GPAM: variants seen among roughly 807,000 people sequenced by gnomAD.
GPAM encodes glycerol-3-phosphate acyltransferase, mitochondrial, also known as glycerol-3-phosphate acyltransferase 1, mitochondrial.
Under a neutral mutation model 105.0 loss-of-function variants are expected in GPAM, and 56 were observed. The ratio of observed to expected loss-of-function variants is 0.53; its 90% CI spans 0.43 to 0.67. GPAM has a LOEUF of 0.67. Ranked by LOEUF, GPAM falls within the 30% of genes least tolerant of loss-of-function variation. GPAM has a pLI of 0.00. For synonymous variants in GPAM, 368 were observed against 354.4 expected, an observed-to-expected ratio of 1.04 and a Z score of -0.43; for missense variants, 855 against 989.8, an observed-to-expected ratio of 0.86 and a Z score of 1.83.
upstream of GPAM, among the ~76,000 whole-genome samples, chr10:112,218,513 A>G (rs771852320): frequency 1.3e-5 from 2 of 152,212 alleles, no homozygotes; most frequent in South Asian, 2.1e-4. Context: ...GTTACCAGAA[A>G]GGGGTCCTGA....
At chr10:112,216,558 T>C (rs1161034219), upstream of GPAM, among the ~76,000 whole-genome samples, 1 of 152,180 alleles carries the variant, frequency 6.6e-6, no homozygotes, top group Non-Finnish European at 1.5e-5. Flanking sequence ...GCAGGGCTCC[T>C]ACTGGGGAAA....
In GPAM at chr10:112,154,644, C is replaced by A. The variant is rs141651151; in HGVS notation, c.2355G>T (p.Met785Ile). 2 of 1,607,356 alleles carry A rather than the reference C, an allele frequency of 1.2e-6. No individual in the cohort carries two copies. The highest frequency in any genetic ancestry group is 3.3e-5 in the Admixed American group (2 of 59,998). The change falls in exon 21 of 22, where the codon ATG (methionine) becomes ATT (isoleucine). Residue 785 changes from methionine (M) to isoleucine (I), a missense_variant. Physicochemically the swap from Met to Ile is conservative, Grantham distance 10. Coordinates refer to ENST00000348367, the MANE Select transcript of GPAM (RefSeq NM_001244949.2). ...TYCLVKNAVKMFKDIGVFKET... is the reference protein window; with the variant it reads ...TYCLVKNAVKIFKDIGVFKET... ...GGACACCTACCCCAATATCCTTAAA[C>A]ATTTTCACAGCATTCTTCACAAGAC...
chr10:112,201,272 G>T (rs1015695915), intron 1 of GPAM, among the ~76,000 whole-genome samples: 6 of 152,164 alleles, frequency 3.9e-5, no homozygotes, highest in Non-Finnish European at 7.3e-5. Context: ...GTTCAAGAGT[G>T]GCCAATGCCT....
At chr10:112,177,849 A>T in intron 5 of GPAM, 135 bp downstream of exon 5, 1 of 617,140 alleles carries the variant, frequency 1.6e-6, no homozygotes, top group Admixed American at 2.6e-5. Flanking sequence ...ATTTTCAGAT[A>T]ATCTCTCTTG....
rs533484707 is a variant in GPAM at position 112,149,978 on chromosome 10, G to A, written c.*3572C>T. 2.0e-5 allele frequency: 20 copies of A among 984,920 alleles called. No homozygotes were observed. Among genetic ancestry groups the A allele is most frequent in the South Asian group, 9.4e-5 (2 of 21,268 alleles). The allele number at this position is 984,920 out of a possible 1,614,324, so 61.0% of individuals were successfully genotyped here. A position where few individuals can be genotyped will look rare whatever the true frequency, so the allele number is the denominator to read the frequency against. Reference sequence around the variant, plus strand: ...CCAAGTATGTTTTGCTCACAAAATCGCAGTTATTTCACAGTACCTTATAGT... The same window carrying A: ...CCAAGTATGTTTTGCTCACAAAATCACAGTTATTTCACAGTACCTTATAGT... On this transcript the variant is annotated 3_prime_UTR_variant, in exon 22 of 22. Coordinates refer to ENST00000348367, the MANE Select transcript of GPAM (RefSeq NM_001244949.2).
At chr10:112,197,008 A>G (rs1223041614) in intron 1 of GPAM, among the ~76,000 whole-genome samples, 1 of 152,264 alleles carries the variant, frequency 6.6e-6, no homozygotes, top group Non-Finnish European at 1.5e-5. Flanking sequence ...TAGAATTCCT[A>G]GTAACTGCTA....
At chr10:112,198,408 T>C (rs928883039) in intron 1 of GPAM, among the ~76,000 whole-genome samples, 9 of 152,218 alleles carry the variant, frequency 5.9e-5, no homozygotes, top group Non-Finnish European at 8.8e-5. Context: ...GTCAGTAAAG[T>C]CTTTAAAGCA....
chr10:112,153,719 A>G, intron 21 of GPAM, 53 bp from the exon 22 acceptor site: 5 of 1,585,250 alleles, frequency 3.2e-6, no homozygotes, highest in Non-Finnish European at 4.3e-6. Flanking sequence ...AATAAAAAAA[A>G]TTTCCATTAC....
At chr10:112,196,489 G>A (rs1378362572) in intron 1 of GPAM, among the ~76,000 whole-genome samples, 2 of 152,122 alleles carry the variant, frequency 1.3e-5, no homozygotes, top group African/African-American at 2.4e-5. Context: ...CTGTGTAACT[G>A]TCTTTGGCTT....
At chr10:112,189,861 C>T (rs1440614986) in intron 1 of GPAM, among the ~76,000 whole-genome samples, 2 of 152,176 alleles carry the variant, frequency 1.3e-5, no homozygotes, top group Admixed American at 6.5e-5. Context: ...TAAGCCATTA[C>T]AATGTTGTCT....
chr10:112,191,520 C>T (rs930629862), intron 1 of GPAM, among the ~76,000 whole-genome samples: 4 of 152,202 alleles, frequency 2.6e-5, no homozygotes, highest in Non-Finnish European at 5.9e-5. Flanking sequence ...TTTTTAACTA[C>T]TGTTTGCTTG....
chr10:112,203,484 C>T (rs2133297736), intron 1 of GPAM, among the ~76,000 whole-genome samples: 1 of 152,340 alleles, frequency 6.6e-6, no homozygotes, highest in Middle Eastern at 3.4e-3. Flanking sequence ...CATTGAGGTC[C>T]TAGTTACTAA....
At chr10:112,177,679 C>T (rs544815311) in intron 5 of GPAM, among the ~76,000 whole-genome samples, 10 of 152,208 alleles carry the variant, frequency 6.6e-5, no homozygotes, top group African/African-American at 1.9e-4. Context: ...TCAAACCTAC[C>T]GGTCTTCTCA....
At position 112,166,507 on chromosome 10, in the gene GPAM, A is replaced by C. The variant is rs1485447162; in HGVS notation, c.1116T>G (p.Pro372=). The change falls in exon 12 of 22, where the codon CCT becomes CCG. Residue 372 remains proline (P), a synonymous_variant. Coordinates refer to ENST00000348367, the MANE Select transcript of GPAM (RefSeq NM_001244949.2). ...CACTCCACAGGCTCTCATTCTTCTT[A>C]GGTTTGCCCTAAATTCCAATAGTGA... ...GHYNGEQLGK[P]KKNESLWSVA... The C allele has an allele frequency of 5.6e-6, 9 of 1,594,614 alleles. No homozygotes were observed. Among genetic ancestry groups the C allele is most frequent in the Non-Finnish European group, 6.9e-6 (8 of 1,162,270 alleles).
intron 9 of GPAM, among the ~76,000 whole-genome samples, chr10:112,169,874 T>C (rs1474379027): frequency 1.3e-5 from 2 of 152,186 alleles, no homozygotes; most frequent in African/African-American, 4.8e-5. Context: ...TAGATTCTCA[T>C]AGGATAGGAG....
At position 112,150,020 on chromosome 10, in the gene GPAM, C is replaced by G; in HGVS notation, c.*3530G>C. ...CCTTATAGTAATTCTTTTCACGAGT[C>G]TTAACATTTCTTTGTACAACAGGCA... On this transcript the variant is annotated 3_prime_UTR_variant, in exon 22 of 22. Coordinates refer to ENST00000348367, the MANE Select transcript of GPAM (RefSeq NM_001244949.2). 1 of 984,654 alleles carries G rather than the reference C, an allele frequency of 1.0e-6. No individual in the cohort carries two copies. The highest frequency in any genetic ancestry group is 1.2e-6 in the Non-Finnish European group (1 of 828,976). 61.0% of individuals were successfully genotyped at this position (984,654 alleles called of 1,614,324 possible).
In GPAM at chr10:112,152,260, A is replaced by T. The variant is rs1009605089; in HGVS notation, c.*1290T>A. 4.1e-5 allele frequency: 40 copies of T among 974,830 alleles called. No homozygotes were observed. The highest frequency in any genetic ancestry group is 4.9e-5 in the Non-Finnish European group (40 of 824,242). 60.4% of individuals were successfully genotyped at this position (974,830 alleles called of 1,614,324 possible). A position where few individuals can be genotyped will look rare whatever the true frequency, so the allele number is the denominator to read the frequency against. ...AACGTTTTAACATTACATGATATTT[A>T]AAAAATCACCATAATTACCATAATA... is the stretch of plus-strand genomic sequence containing the variant. On this transcript the variant is annotated 3_prime_UTR_variant, in exon 22 of 22. Coordinates refer to ENST00000348367, the MANE Select transcript of GPAM (RefSeq NM_001244949.2).
rs543261461 is a variant in GPAM at position 112,165,699 on chromosome 10, A to C, written c.1221+703T>G. Among the ~76,000 whole-genome samples the C allele has an allele frequency of 2.0e-5, 3 of 152,302 alleles. No homozygotes were observed. In the East Asian group the frequency reaches 5.8e-4, roughly 29 times the overall value. On this transcript the variant is annotated intron_variant, in intron 12 of 21. Coordinates refer to ENST00000348367, the MANE Select transcript of GPAM (RefSeq NM_001244949.2). ...GAACATGAAACTCCGTCTCAAAAAAAAAGTTACCCAGCTTTTAGGGGAGGT... is the reference window on the plus strand; with the variant it reads ...GAACATGAAACTCCGTCTCAAAAAACAAGTTACCCAGCTTTTAGGGGAGGT...
chr10:112,171,519 T>A (rs984719506), intron 9 of GPAM, among the ~76,000 whole-genome samples: 2 of 152,112 alleles, frequency 1.3e-5, no homozygotes, highest in Admixed American at 1.3e-4. Context: ...ATTGTTTTGA[T>A]CCAGCTTTCA....
Sources: gnomAD v4.1 joint callset for allele counts (sites outside exome capture counted in the v4.1 genomes callset) on GRCh38, gnomAD v4.1.1 for gene constraint, MANE v1.5 for transcripts, NCBI Gene and HGNC (gene_info 2026-07-23, HGNC 2026-07-21) for gene names.